The following HMGA2 variants were observed in gnomAD, a reference collection of about 807,000 sequenced individuals.
HMGA2 encodes the protein high mobility group protein HMGI-C.
HMGA2 carries 8 observed loss-of-function variants against 19.1 expected under a neutral mutation model. The ratio of observed to expected loss-of-function variants is 0.42; its 90% CI spans 0.25 to 0.76. The LOEUF (loss-of-function observed/expected upper bound fraction) is 0.76. HMGA2 is among the 30% of genes least tolerant of loss of function. HMGA2 has a pLI of 0.28. For missense variants in HMGA2, 109 were observed against 136.3 expected, an observed-to-expected ratio of 0.80 and a Z score of 1.00; for synonymous variants, 60 against 48.8, an observed-to-expected ratio of 1.23 and a Z score of -0.96.
intron 3 of HMGA2, among the ~76,000 whole-genome samples, chr12:65,848,133 C>A (rs943368013): frequency 3.3e-5 from 5 of 152,188 alleles, no homozygotes; most frequent in African/African-American, 2.4e-5. Context: ...TGTTTCCATT[C>A]CCTCACTCCT....
intron 4 of HMGA2, 38 bp from the exon 5 acceptor site, chr12:65,963,207 C>T: frequency 1.2e-6 from 2 of 1,602,680 alleles, no homozygotes; most frequent in Non-Finnish European, 1.7e-6. Flanking sequence ...CACAGTATAA[C>T]GATTGAGCGT....
At chr12:65,937,188 A>AC (rs1384264399) in intron 3 of HMGA2, among the ~76,000 whole-genome samples, 1 of 152,198 alleles carries the variant, frequency 6.6e-6, no homozygotes, top group African/African-American at 2.4e-5. Context: ...AGATACCTGC[A>AC]CATCTGGCAA....
rs1592471278 is a variant in HMGA2 at position 65,963,434 on chromosome 12, G to C, written c.*142G>C. ...GGTGGGGTGGGGTGGGGGAGGGGGG[G>C]GTGGGGTGGGGAGAAATCACATAAC... On this transcript the variant is annotated 3_prime_UTR_variant, in exon 5 of 5. Transcript: ENST00000403681. 4.9e-6 allele frequency: 2 copies of C among 406,784 alleles called. No individual in the cohort carries two copies. Among genetic ancestry groups the C allele is most frequent in the East Asian group, 1.1e-4 (2 of 17,766 alleles). The allele number at this position is 406,784 out of a possible 1,614,324, so 25.2% of individuals were successfully genotyped here.
chr12:65,837,299 C>G (rs1287363861), intron 2 of HMGA2, among the ~76,000 whole-genome samples: 3 of 152,156 alleles, frequency 2.0e-5, no homozygotes, highest in African/African-American at 7.2e-5. Context: ...TATTTTATCT[C>G]TCATCTACCT....
intron 3 of HMGA2, among the ~76,000 whole-genome samples, chr12:65,853,148 G>T (rs1172711085): frequency 6.6e-6 from 1 of 152,116 alleles, no homozygotes; most frequent in African/African-American, 2.4e-5. Context: ...AAGACCAGTT[G>T]GAAAATTGAT....
chr12:65,919,369 A>G (rs530966504), intron 3 of HMGA2, among the ~76,000 whole-genome samples: 1 of 152,298 alleles, frequency 6.6e-6, no homozygotes, highest in East Asian at 1.9e-4. Context: ...ATTAAGCAAA[A>G]TATCTACTTT....
chr12:65,910,898 G>A (rs1874816281), intron 3 of HMGA2, among the ~76,000 whole-genome samples: 1 of 152,172 alleles, frequency 6.6e-6, no homozygotes. Context: ...GAACTGTATA[G>A]ACCAGTTAGT....
intron 3 of HMGA2, among the ~76,000 whole-genome samples, chr12:65,883,450 C>G (rs1873526108): frequency 6.6e-6 from 1 of 152,228 alleles, no homozygotes; most frequent in Non-Finnish European, 1.5e-5. Context: ...GTTTCCACAA[C>G]AACCTTATGA....
intron 3 of HMGA2, chr12:65,915,479 G>C: frequency 1.6e-6 from 2 of 1,234,836 alleles, no homozygotes; most frequent in Middle Eastern, 3.4e-4. Flanking sequence ...AGAAATCACA[G>C]TGTGGCTATG....
At chr12:65,926,443 G>A (rs1440202936) in intron 3 of HMGA2, among the ~76,000 whole-genome samples, 3 of 152,186 alleles carry the variant, frequency 2.0e-5, no homozygotes, top group African/African-American at 7.2e-5. Flanking sequence ...GTGGGGAGAG[G>A]GAGGCAGAGG....
At position 65,964,755 on chromosome 12, in the gene HMGA2, T is replaced by A. The variant is rs1024289924; in HGVS notation, c.*1463T>A. ...CTATGTTTTTTTAATTAAAAATTTT[T>A]AAAATACTTGTTTCAGCTTCTCTGC... On this transcript the variant is annotated 3_prime_UTR_variant, in exon 5 of 5. Coordinates refer to ENST00000403681, the MANE Select transcript of HMGA2 (RefSeq NM_003483.6). 3 of 196,328 alleles carry A rather than the reference T, an allele frequency of 1.5e-5. No individual in the cohort carries two copies. The highest frequency in any genetic ancestry group is 6.9e-5 in the African/African-American group (3 of 43,276). The allele number at this position is 196,328 out of a possible 1,614,324, so 12.2% of individuals were successfully genotyped here.
chr12:65,930,910 G>A (rs1875685041), intron 3 of HMGA2, among the ~76,000 whole-genome samples: 1 of 152,140 alleles, frequency 6.6e-6, no homozygotes, highest in African/African-American at 2.4e-5. Context: ...ACAAGAAAAG[G>A]GATATGGTGC....
At position 65,849,736 on chromosome 12, in the gene HMGA2, A is replaced by ATTTTTTTTTT. The variant is rs34541445; in HGVS notation, c.249+11182_249+11191dup. Among the ~76,000 whole-genome samples the ATTTTTTTTTT allele has an allele frequency of 6.1e-3, 523 of 85,100 alleles. 77 individuals carry two copies. Among genetic ancestry groups the ATTTTTTTTTT allele is most frequent in the African/African-American group, 0.021 (381 of 18,514 alleles). 55.8% of individuals were successfully genotyped at this position (85,100 alleles called of 152,430 possible). ...AAACCAAGACAATGGTAGGCTCTGT[A>ATTTTTTTTTT]TTTTTTTTTTTTTTTTTTTTTTTTG... is the stretch of plus-strand genomic sequence containing the variant. On this transcript the variant is annotated intron_variant, in intron 3 of 4. Coordinates refer to ENST00000403681, the MANE Select transcript of HMGA2 (RefSeq NM_003483.6).
intron 3 of HMGA2, among the ~76,000 whole-genome samples, chr12:65,878,709 T>G (rs1873192348): frequency 6.6e-6 from 1 of 152,192 alleles, no homozygotes; most frequent in Non-Finnish European, 1.5e-5. Context: ...TTGACAGTGT[T>G]TCACTGCTCT....
chr12:65,838,498 G>C (rs1382425894), intron 2 of HMGA2, 21 bp from the exon 3 acceptor site: 4 of 1,600,746 alleles, frequency 2.5e-6, no homozygotes, highest in Non-Finnish European at 3.4e-6. Flanking sequence ...AAACTATAAT[G>C]ACTTCCTTTT....
intron 3 of HMGA2, chr12:65,856,045 T>C (rs886197997): frequency 6.6e-6 from 1 of 152,220 alleles, no homozygotes; most frequent in Non-Finnish European, 1.5e-5. Flanking sequence ...ATCTTGGAAG[T>C]GCAGAAAAAG....
At chr12:65,913,377 C>T (rs1159739716) in intron 3 of HMGA2, among the ~76,000 whole-genome samples, 1 of 152,152 alleles carries the variant, frequency 6.6e-6, no homozygotes, top group Non-Finnish European at 1.5e-5. Flanking sequence ...CTTCCTCAGC[C>T]ACTGAGTCCA....
intron 3 of HMGA2, chr12:65,948,576 CA>C (rs1223052706): frequency 2.0e-5 from 3 of 152,158 alleles, no homozygotes; most frequent in Admixed American, 6.5e-5. Context: ...ATAACAACAA[CA>C]AAAACTTTCT....
At chr12:65,843,275 T>C (rs1003431730) in intron 3 of HMGA2, 2 of 220,628 alleles carry the variant, frequency 9.1e-6, no homozygotes, top group Non-Finnish European at 1.8e-5. Context: ...ATGGGGTGTG[T>C]GCAGTACGTT....
Sources: gnomAD v4.1 joint callset for allele counts (sites outside exome capture counted in the v4.1 genomes callset) on GRCh38, gnomAD v4.1.1 for gene constraint, MANE v1.5 for transcripts, NCBI Gene and HGNC (gene_info 2026-07-23, HGNC 2026-07-21) for gene names.